Variants in MSRB3 observed in about 807,000 individuals in gnomAD.
The protein encoded by MSRB3 is methionine-R-sulfoxide reductase B3.
In MSRB3, 13 loss-of-function variants were observed where a neutral mutation model predicts 21.0. That is an observed-to-expected ratio of 0.62 (90% CI 0.40 to 0.98). MSRB3 has a LOEUF of 0.98. Ranked by LOEUF, MSRB3 falls within the 50% of genes least tolerant of loss-of-function variation. The probability of loss-of-function intolerance (pLI) is 0.00; values close to 1 mark genes in which losing one functional copy is unlikely to be tolerated. For synonymous variants in MSRB3, 87 were observed against 88.6 expected (o/e 0.98, Z 0.10); for missense variants, 199 against 230.3 (o/e 0.86, Z 0.88).
At chr12:65,385,128 C>G (rs1053991767) in intron 5 of MSRB3, among the ~76,000 whole-genome samples, 1 of 152,060 alleles carries the variant, frequency 6.6e-6, no homozygotes, top group Non-Finnish European at 1.5e-5. Context: ...TCTGTTTTGT[C>G]TAAAGATACC....
At chr12:65,392,055 T>C (rs1274880408) in intron 5 of MSRB3, among the ~76,000 whole-genome samples, 1 of 152,160 alleles carries the variant, frequency 6.6e-6, no homozygotes, top group East Asian at 1.9e-4. Context: ...AACCCTAACT[T>C]TGGTTACCAG....
At chr12:65,367,764 G>A (rs948674830) in intron 4 of MSRB3, among the ~76,000 whole-genome samples, 1 of 152,182 alleles carries the variant, frequency 6.6e-6, no homozygotes, top group African/African-American at 2.4e-5. Flanking sequence ...GACAAAGGTT[G>A]AGATGAGGAC....
rs542906107 is a variant in MSRB3 at position 65,299,361 on chromosome 12, G to A, written c.-51-9168G>A. 3.9e-5 allele frequency among the ~76,000 whole-genome samples: 6 copies of A among 152,290 alleles called. No homozygotes were observed. In the South Asian group the frequency reaches 1.2e-3, roughly 32 times the overall value. ...CCCTTTCATATACTAGTCCAAGGTT[G>A]GGCTGGTGAATAGCTCTGCCTCATG... is the stretch of plus-strand genomic sequence containing the variant. On this transcript the variant is annotated intron_variant, in intron 1 of 6. Coordinates refer to ENST00000308259, the MANE Select transcript of MSRB3 (RefSeq NM_001031679.3).
chr12:65,333,525 G>T (rs537294416), intron 4 of MSRB3, among the ~76,000 whole-genome samples: 1 of 152,324 alleles, frequency 6.6e-6, no homozygotes, highest in South Asian at 2.1e-4. Flanking sequence ...TCCAATAGGA[G>T]TGGGAAGGTG....
intron 4 of MSRB3, among the ~76,000 whole-genome samples, chr12:65,354,086 G>A (rs1191827100): frequency 6.6e-6 from 1 of 151,914 alleles, no homozygotes; most frequent in African/African-American, 2.4e-5. Context: ...AGTTTCTGCC[G>A]AGAGATCAGC....
At chr12:65,304,076 G>A (rs577678932) in intron 1 of MSRB3, among the ~76,000 whole-genome samples, 3 of 152,274 alleles carry the variant, frequency 2.0e-5, no homozygotes, top group African/African-American at 7.2e-5. Context: ...TTATCAGAAT[G>A]TGTTCTGGGG....
intron 1 of MSRB3, among the ~76,000 whole-genome samples, chr12:65,295,184 C>G (rs1872889070): frequency 6.6e-6 from 1 of 152,010 alleles, no homozygotes; most frequent in Non-Finnish European, 1.5e-5. Flanking sequence ...GTTCTATGAC[C>G]TTGAAAAAGT....
At chr12:65,338,157 T>C (rs1875906313) in intron 4 of MSRB3, among the ~76,000 whole-genome samples, 1 of 152,238 alleles carries the variant, frequency 6.6e-6, no homozygotes, top group Non-Finnish European at 1.5e-5. Context: ...TGGATTCCCA[T>C]AATTATTAAT....
intron 1 of MSRB3, chr12:65,279,118 C>T: frequency 1.5e-6 from 2 of 1,360,350 alleles, no homozygotes; most frequent in Non-Finnish European, 1.9e-6. Flanking sequence ...CGTCTGGCAG[C>T]CTCACTGACA....
chr12:65,430,269 A>G (rs1324481959), intron 5 of MSRB3, among the ~76,000 whole-genome samples: 1 of 152,186 alleles, frequency 6.6e-6, no homozygotes, highest in Non-Finnish European at 1.5e-5. Flanking sequence ...TTTTAAGTGG[A>G]CTATAGAATC....
chr12:65,321,195 T>C (rs1874640075), intron 2 of MSRB3, among the ~76,000 whole-genome samples: 1 of 152,168 alleles, frequency 6.6e-6, no homozygotes, highest in African/African-American at 2.4e-5. Flanking sequence ...CTGTCTTCCC[T>C]TACTCCTGCT....
intron 5 of MSRB3, among the ~76,000 whole-genome samples, chr12:65,398,900 A>G (rs372905155): frequency 1.3e-5 from 2 of 152,142 alleles, no homozygotes; most frequent in East Asian, 3.9e-4. Flanking sequence ...CAGGTTTGTC[A>G]AAGATCAGAG....
chr12:65,372,044 G>A (rs1302048433), intron 5 of MSRB3, among the ~76,000 whole-genome samples: 1 of 152,006 alleles, frequency 6.6e-6, no homozygotes, highest in Non-Finnish European at 1.5e-5. Flanking sequence ...ATATTTTAAA[G>A]CAAAATACAT....
chr12:65,437,022 C>T (rs895841232), intron 5 of MSRB3, among the ~76,000 whole-genome samples: 11 of 151,874 alleles, frequency 7.2e-5, no homozygotes, highest in African/African-American at 2.7e-4. Flanking sequence ...CTTAGCATAA[C>T]ATCACAAATA....
intron 5 of MSRB3, among the ~76,000 whole-genome samples, chr12:65,396,702 AAAAAAGAAAGAAAGAAAG>A (rs1217106066): frequency 3.8e-5 from 1 of 26,422 alleles, no homozygotes; most frequent in African/African-American, 1.2e-4. Context: ...AAAAAAAAAA[AAAAAAGAAAGAAAGAAAG>A]AAAGAAAGAA....
At chr12:65,281,182 T>G (rs541542238) in intron 1 of MSRB3, among the ~76,000 whole-genome samples, 6 of 152,332 alleles carry the variant, frequency 3.9e-5, no homozygotes, top group African/African-American at 1.4e-4. Flanking sequence ...TAAGCCGTGA[T>G]CACACCACTG....
intron 4 of MSRB3, among the ~76,000 whole-genome samples, chr12:65,330,580 G>A (rs960404607): frequency 2.0e-5 from 3 of 152,028 alleles, no homozygotes; most frequent in African/African-American, 7.2e-5. Flanking sequence ...GGTTGGCTGC[G>A]TCTTCCTCCC....
At chr12:65,346,809 G>A (rs1592547071) in intron 4 of MSRB3, among the ~76,000 whole-genome samples, 2 of 152,092 alleles carry the variant, frequency 1.3e-5, no homozygotes, top group South Asian at 2.1e-4. Context: ...CATATGGCTA[G>A]CCAGTTTTCC....
Position 65,335,333 on chromosome 12 carries a change from G to A in MSRB3, c.263+6730G>A, listed in dbSNP as rs150988963. On this transcript the variant is annotated intron_variant, in intron 4 of 6. Transcript: ENST00000308259. ...TTAACAGTGGATATTAGTGTGATGA[G>A]TCACAGCTCCAGCTGTGTTGCTACA... Among the ~76,000 whole-genome samples the A allele has an allele frequency of 2.4e-3, 360 of 152,290 alleles. 1 individual carries two copies. The highest frequency in any genetic ancestry group is 8.2e-3 in the African/African-American group (340 of 41,562).
Sources: gnomAD v4.1 joint callset for allele counts (sites outside exome capture counted in the v4.1 genomes callset) on GRCh38, gnomAD v4.1.1 for gene constraint, MANE v1.5 for transcripts, NCBI Gene and HGNC (gene_info 2026-07-23, HGNC 2026-07-21) for gene names.